The following CNTNAP2 variants were observed in gnomAD, a reference collection of about 807,000 sequenced individuals.
CNTNAP2 encodes the protein contactin-associated protein-like 2.
A neutral mutation model predicts 155.2 loss-of-function variants in CNTNAP2; 98 were observed. That is an observed-to-expected ratio of 0.63 (90% CI 0.54 to 0.75). The LOEUF is 0.75. Ranked by LOEUF, CNTNAP2 falls within the 30% of genes least tolerant of loss-of-function variation. CNTNAP2 has a pLI of 0.00. For missense variants in CNTNAP2, 1,727 were observed against 1,688.1 expected, an observed-to-expected ratio of 1.02 and a Z score of -0.40; for synonymous variants, 651 against 631.2, an observed-to-expected ratio of 1.03 and a Z score of -0.47.
chr7:146,992,779 T>C (rs970399280), intron 3 of CNTNAP2, among the ~76,000 whole-genome samples: 2 of 152,168 alleles, frequency 1.3e-5, no homozygotes, highest in Non-Finnish European at 2.9e-5. Context: ...AAAATACTTA[T>C]TATATAAATT....
At position 148,027,484 on chromosome 7, in the gene CNTNAP2, T is replaced by C. The variant is rs375818970; in HGVS notation, c.2383+49495T>C. Among the ~76,000 whole-genome samples the C allele has an allele frequency of 1.4e-4, 21 of 152,340 alleles. No individual in the cohort carries two copies. In the East Asian group the frequency reaches 2.1e-3, roughly 15 times the overall value. On this transcript the variant is annotated intron_variant, in intron 15 of 23. Transcript: ENST00000361727. ...AGACATCCAGGATGGACAGTGATTATGGGTTCATGGAATGTTACAACTGGA... is the reference window on the plus strand; with the variant it reads ...AGACATCCAGGATGGACAGTGATTACGGGTTCATGGAATGTTACAACTGGA...
rs1451027099 is a variant in CNTNAP2 at position 147,559,995 on chromosome 7, C to T, written c.1778-2143C>T. On this transcript the variant is annotated intron_variant, in intron 11 of 23. Transcript: ENST00000361727. ...ACCAGCCTGACCAACATGGAGAAAC[C>T]CCGTCTCCACTAAAAATACTAAATT... Among the ~76,000 whole-genome samples, 3 of 151,544 alleles carry T rather than the reference C, an allele frequency of 2.0e-5. No homozygotes were observed. In the East Asian group the frequency reaches 5.8e-4, roughly 29 times the overall value.
chr7:148,151,533 T>C (rs966118107), intron 17 of CNTNAP2, among the ~76,000 whole-genome samples: 1 of 152,150 alleles, frequency 6.6e-6, no homozygotes, highest in Non-Finnish European at 1.5e-5. Context: ...TGACCTCAAG[T>C]GATCTGCCCG....
At chr7:146,323,638 T>C (rs1801043783) in intron 1 of CNTNAP2, among the ~76,000 whole-genome samples, 1 of 152,018 alleles carries the variant, frequency 6.6e-6, no homozygotes, top group African/African-American at 2.4e-5. Flanking sequence ...CTATGATAGG[T>C]CCATAAATAA....
At chr7:148,105,581 T>C (rs1210978192) in intron 15 of CNTNAP2, among the ~76,000 whole-genome samples, 1 of 139,184 alleles carries the variant, frequency 7.2e-6, no homozygotes, top group African/African-American at 3.4e-5. Context: ...TTATTTTATT[T>C]TTTATTTTTT....
chr7:147,620,292 TC>T (rs1306285268), intron 12 of CNTNAP2, among the ~76,000 whole-genome samples: 1 of 152,078 alleles, frequency 6.6e-6, no homozygotes, highest in Non-Finnish European at 1.5e-5. Context: ...TCTACTAGTA[TC>T]AACACCATCC....
At chr7:147,916,895 T>C (rs948022407) in intron 14 of CNTNAP2, among the ~76,000 whole-genome samples, 1 of 152,136 alleles carries the variant, frequency 6.6e-6, no homozygotes, top group Non-Finnish European at 1.5e-5. Flanking sequence ...TACCCCCTCT[T>C]GATATTAATG....
intron 10 of CNTNAP2, among the ~76,000 whole-genome samples, chr7:147,466,893 T>G (rs1422199687): frequency 6.6e-6 from 1 of 152,190 alleles, no homozygotes; most frequent in Non-Finnish European, 1.5e-5. Context: ...CTCTCCAGCC[T>G]GGGTGACAAG....
chr7:146,816,727 G>A (rs866270392), intron 2 of CNTNAP2, among the ~76,000 whole-genome samples: 6 of 152,176 alleles, frequency 3.9e-5, no homozygotes, highest in African/African-American at 1.4e-4. Context: ...CTAACTGGCA[G>A]GCAGTAAAGC....
intron 13 of CNTNAP2, among the ~76,000 whole-genome samples, chr7:147,736,236 G>C (rs1423185050): frequency 6.6e-6 from 1 of 151,710 alleles, no homozygotes; most frequent in Non-Finnish European, 1.5e-5. Flanking sequence ...AAATCTCTCA[G>C]CATTTGCTTG....
At chr7:147,802,261 G>C (rs1284463202) in intron 13 of CNTNAP2, among the ~76,000 whole-genome samples, 31 of 149,966 alleles carry the variant, frequency 2.1e-4, no homozygotes, top group African/African-American at 7.4e-4. Context: ...ATGGGATGGC[G>C]GCCGGGCAGA....
intron 2 of CNTNAP2, among the ~76,000 whole-genome samples, chr7:146,787,640 A>T (rs1802597970): frequency 6.6e-6 from 1 of 152,108 alleles, no homozygotes; most frequent in Non-Finnish European, 1.5e-5. Flanking sequence ...CGAAAGAACA[A>T]ACCTTCCCCC....
intron 1 of CNTNAP2, among the ~76,000 whole-genome samples, chr7:146,222,993 A>G (rs2116900349): frequency 6.6e-6 from 1 of 152,208 alleles, no homozygotes; most frequent in African/African-American, 2.4e-5. Context: ...GACAGTGAGG[A>G]CACTTGGTCA....
chr7:147,617,411 G>A (rs1306198834), intron 12 of CNTNAP2, among the ~76,000 whole-genome samples: 2 of 152,066 alleles, frequency 1.3e-5, no homozygotes, highest in Non-Finnish European at 2.9e-5. Context: ...ACCAGATCAG[G>A]AACTTAATAA....
At chr7:146,533,177 A>C (rs1420465830) in intron 1 of CNTNAP2, among the ~76,000 whole-genome samples, 1 of 150,300 alleles carries the variant, frequency 6.7e-6, no homozygotes, top group Non-Finnish European at 1.5e-5. Context: ...ACTTTTCTAG[A>C]AATTTTGCAA....
chr7:146,713,510 T>C (rs187440259), intron 1 of CNTNAP2, among the ~76,000 whole-genome samples: 54 of 152,268 alleles, frequency 3.5e-4, no homozygotes, highest in Admixed American at 7.9e-4. Flanking sequence ...GGTAAGAATT[T>C]TGTCTCCAGA....
At chr7:148,179,742 G>A (rs927092247) in intron 18 of CNTNAP2, among the ~76,000 whole-genome samples, 1 of 151,220 alleles carries the variant, frequency 6.6e-6, no homozygotes, top group African/African-American at 2.4e-5. Context: ...AGGAGAGAAG[G>A]AAGGAAGGAG....
At chr7:147,393,118 G>C (rs1183854921) in intron 9 of CNTNAP2, among the ~76,000 whole-genome samples, 1 of 151,520 alleles carries the variant, frequency 6.6e-6, no homozygotes, top group Non-Finnish European at 1.5e-5. Context: ...TTATAGAAGG[G>C]GACAACAAAA....
At chr7:147,969,207 G>A (rs1801286022) in intron 14 of CNTNAP2, among the ~76,000 whole-genome samples, 1 of 152,068 alleles carries the variant, frequency 6.6e-6, no homozygotes. Context: ...GTGCCACCAT[G>A]CCCAGCTAAT....
Sources: gnomAD v4.1 joint callset for allele counts (sites outside exome capture counted in the v4.1 genomes callset) on GRCh38, gnomAD v4.1.1 for gene constraint, MANE v1.5 for transcripts, NCBI Gene and HGNC (gene_info 2026-07-23, HGNC 2026-07-21) for gene names.